MRRF: variants seen among roughly 807,000 people sequenced by gnomAD.
MRRF encodes the protein ribosome-recycling factor, mitochondrial.
A neutral mutation model predicts 25.1 loss-of-function variants in MRRF; 18 were observed. The ratio of observed to expected loss-of-function variants is 0.72; its 90% CI spans 0.50 to 1.06. The LOEUF is 1.06. MRRF is among the 50% of genes least tolerant of loss of function. The probability of loss-of-function intolerance (pLI) is 0.00; values close to 1 mark genes in which losing one functional copy is unlikely to be tolerated. For missense variants in MRRF, 323 were observed against 319.3 expected (o/e 1.01, Z -0.09); for synonymous variants, 113 against 112.1 (o/e 1.01, Z -0.05).
At chr9:122,277,015 C>A (rs1240561317) in intron 2 of MRRF, among the ~76,000 whole-genome samples, 2 of 152,146 alleles carry the variant, frequency 1.3e-5, no homozygotes, top group Non-Finnish European at 2.9e-5. Context: ...CACGCACGGC[C>A]ATGCCTGGTA....
At chr9:122,266,127 G>A (rs561541388) in intron 1 of MRRF, among the ~76,000 whole-genome samples, 1 of 152,220 alleles carries the variant, frequency 6.6e-6, no homozygotes, top group Non-Finnish European at 1.5e-5. Context: ...AGTGTCTTCT[G>A]TGTTCTGGCA....
chr9:122,266,602 C>T (rs947162259), intron 1 of MRRF, among the ~76,000 whole-genome samples: 2 of 152,130 alleles, frequency 1.3e-5, no homozygotes, highest in African/African-American at 4.8e-5. Flanking sequence ...CAAGAGCCTG[C>T]GTATATGCAC....
At position 122,274,533 on chromosome 9, in the gene MRRF, G is replaced by GGTGTGTGTGTGTGTGTGT. The variant is rs765131163; in HGVS notation, c.184+3483_184+3500dup. 6.9e-4 allele frequency among the ~76,000 whole-genome samples: 97 copies of GGTGTGTGTGTGTGTGTGT among 140,646 alleles called. 1 individual carries two copies. The highest frequency in any genetic ancestry group is 8.3e-4 in the African/African-American group (31 of 37,288). 92.3% of individuals were successfully genotyped at this position (140,646 alleles called of 152,430 possible). A position where few individuals can be genotyped will look rare whatever the true frequency, so the allele number is the denominator to read the frequency against. ...CTTGCCTGTAAAGTAATATGAATCT[G>GGTGTGTGTGTGTGTGTGT]GTGTGTGTGTGTGTGTGTGTGTGTG... is the stretch of plus-strand genomic sequence containing the variant. On this transcript the variant is annotated intron_variant, in intron 2 of 6. Coordinates refer to ENST00000344641, the MANE Select transcript of MRRF (RefSeq NM_138777.5).
intron 6 of MRRF, among the ~76,000 whole-genome samples, chr9:122,320,323 T>C (rs1398216555): frequency 6.6e-6 from 1 of 152,182 alleles, no homozygotes; most frequent in Non-Finnish European, 1.5e-5. Flanking sequence ...ACCTACACAT[T>C]TTTAACCCAC....
At chr9:122,320,583 G>GCT (rs1341770855) in intron 6 of MRRF, among the ~76,000 whole-genome samples, 1 of 152,218 alleles carries the variant, frequency 6.6e-6, no homozygotes, top group African/African-American at 2.4e-5. Flanking sequence ...TTTGTGGCTA[G>GCT]CTGAGTGAGG....
chr9:122,308,295 G>A (rs987644829), intron 5 of MRRF, among the ~76,000 whole-genome samples: 1 of 151,230 alleles, frequency 6.6e-6, no homozygotes, highest in Non-Finnish European at 1.5e-5. Flanking sequence ...GATCTGGTTT[G>A]TATATTGCTG....
At chr9:122,293,304 T>C (rs1002931747) in intron 5 of MRRF, among the ~76,000 whole-genome samples, 10 of 152,242 alleles carry the variant, frequency 6.6e-5, no homozygotes, top group African/African-American at 2.4e-4. Context: ...TTACCTCATT[T>C]GTCTAATCCC....
chr9:122,277,114 C>T (rs1413820419), intron 2 of MRRF, among the ~76,000 whole-genome samples: 1 of 152,186 alleles, frequency 6.6e-6, no homozygotes, highest in African/African-American at 2.4e-5. Context: ...CCCACCTCAG[C>T]CCCACAAAGT....
chr9:122,322,483 T>A, intron 6 of MRRF, 57 bp from the exon 7 acceptor site: 1 of 1,464,714 alleles, frequency 6.8e-7, no homozygotes, highest in Non-Finnish European at 9.6e-7. Flanking sequence ...GGAATATTCA[T>A]CCCCCTACCC....
intron 6 of MRRF, 141 bp downstream of exon 6, chr9:122,313,527 G>T: frequency 9.9e-7 from 1 of 1,014,782 alleles, no homozygotes; most frequent in South Asian, 1.3e-5. Context: ...TCTGTTCTGG[G>T]CCTAGCCTAA....
rs1430505290 is a variant in MRRF at position 122,327,227 on chromosome 9, A to AG, written c.*4611dup. On this transcript the variant is annotated 3_prime_UTR_variant, in exon 7 of 7. Transcript: ENST00000344641. ...CTTCTCTAGAATATGTCAGAGAGCA[A>AG]GCAAAATGTTCACCAAGCAGTGAAT... 2 of 152,218 alleles carry AG rather than the reference A, an allele frequency of 1.3e-5. No individual in the cohort carries two copies. Among genetic ancestry groups the AG allele is most frequent in the Non-Finnish European group, 2.9e-5 (2 of 68,044 alleles). 9.4% of individuals were successfully genotyped at this position (152,218 alleles called of 1,614,324 possible).
In MRRF at chr9:122,284,383, G is replaced by A. The variant is rs115017841; in HGVS notation, c.341-786G>A. ...AGTCTTATTTCCTCATCTGTAAAGT[G>A]GGGGTAATAATGCAGTGTTACAGGG... is the stretch of plus-strand genomic sequence containing the variant. On this transcript the variant is annotated intron_variant, in intron 3 of 6. Transcript: ENST00000344641. Among the ~76,000 whole-genome samples the A allele has an allele frequency of 5.0e-3, 768 of 152,254 alleles. 6 individuals carry two copies. The highest frequency in any genetic ancestry group is 0.018 in the African/African-American group (733 of 41,550).
rs1836069135 is a variant in MRRF at position 122,324,636 on chromosome 9, GT to G, written c.*2020del. ...GAAGTTCATTCCAGTTCTGCAAGGT[GT>G]CTGCTTTCAGAATGGAGCCCACTTT... On this transcript the variant is annotated 3_prime_UTR_variant, in exon 7 of 7. Coordinates refer to ENST00000344641, the MANE Select transcript of MRRF (RefSeq NM_138777.5). The G allele has an allele frequency of 6.6e-6, 1 of 152,256 alleles. No homozygotes were observed. 9.4% of individuals were successfully genotyped at this position (152,256 alleles called of 1,614,324 possible).
intron 1 of MRRF, among the ~76,000 whole-genome samples, chr9:122,267,516 G>A (rs1832193224): frequency 6.6e-6 from 1 of 152,168 alleles, no homozygotes; most frequent in African/African-American, 2.4e-5. Flanking sequence ...ATATTGCCAA[G>A]GCTGGCCTTG....
chr9:122,322,646 A>C lies in MRRF; in HGVS notation c.*29A>C, dbSNP rs1387432409. ...TCCACTGGGGCCAGCAATACTCCAG[A>C]GCCCAGTTTCTGCTGGATCCCATGG... On this transcript the variant is annotated 3_prime_UTR_variant, in exon 7 of 7. Coordinates refer to ENST00000344641, the MANE Select transcript of MRRF (RefSeq NM_138777.5). 22 of 1,607,632 alleles carry C rather than the reference A, an allele frequency of 1.4e-5. No individual in the cohort carries two copies. The highest frequency in any genetic ancestry group is 1.9e-5 in the Non-Finnish European group (22 of 1,174,472).
chr9:122,322,865 A>G lies in MRRF; in HGVS notation c.*248A>G. The G allele has an allele frequency of 1.7e-6, 1 of 577,372 alleles. No individual in the cohort carries two copies. The highest frequency in any genetic ancestry group is 2.0e-5 in the South Asian group (1 of 51,112). 35.8% of individuals were successfully genotyped at this position (577,372 alleles called of 1,614,324 possible). On this transcript the variant is annotated 3_prime_UTR_variant, in exon 7 of 7. Transcript: ENST00000344641. ...GCTGGCAAAAGGCCTGTACTCAGGC[A>G]TTTGCTTTGACTTGATGTTGCCAAG...
intron 2 of MRRF, among the ~76,000 whole-genome samples, chr9:122,274,768 CT>C (rs1385982850): frequency 7.3e-5 from 11 of 151,614 alleles, no homozygotes; most frequent in Admixed American, 5.9e-4. Context: ...TCCATTTTTT[CT>C]TTCTTAATAT....
intron 2 of MRRF, among the ~76,000 whole-genome samples, chr9:122,275,738 G>A (rs182327985): frequency 8.5e-4 from 130 of 152,124 alleles, no homozygotes; most frequent in Non-Finnish European, 1.5e-3. Context: ...AATGTCCTCC[G>A]GGTTCATCCA....
rs1362852011 is a variant in MRRF, at chr9:122,285,897, C to T, written c.459+610C>T. On this transcript the variant is annotated intron_variant, in intron 4 of 6. Coordinates refer to ENST00000344641, the MANE Select transcript of MRRF (RefSeq NM_138777.5). ...CTCCAGGAAGTCCTTTTATACTAGA[C>T]TGACCATTGCAGAATATTGCATGGA... The T allele has an allele frequency of 3.0e-5, 39 of 1,294,506 alleles. No individual in the cohort carries two copies. In the Admixed American group the frequency reaches 9.2e-4, roughly 30 times the overall value. The allele number at this position is 1,294,506 out of a possible 1,614,324, so 80.2% of individuals were successfully genotyped here.
Sources: gnomAD v4.1 joint callset for allele counts (sites outside exome capture counted in the v4.1 genomes callset) on GRCh38, gnomAD v4.1.1 for gene constraint, MANE v1.5 for transcripts, NCBI Gene and HGNC (gene_info 2026-07-23, HGNC 2026-07-21) for gene names.